The following CAMK2D variants were observed in gnomAD, a reference collection of about 807,000 sequenced individuals.
CAMK2D encodes calcium/calmodulin-dependent protein kinase type II subunit delta.
A neutral mutation model predicts 84.0 loss-of-function variants in CAMK2D; 37 were observed. The ratio of observed to expected loss-of-function variants is 0.44; its 90% CI spans 0.34 to 0.58. The LOEUF (loss-of-function observed/expected upper bound fraction) is 0.58, where lower values mean the gene tolerates loss of function less well. Among genes scored for constraint, CAMK2D ranks in the 20% least tolerant of loss-of-function variants. The probability of loss-of-function intolerance (pLI) is 0.02; values close to 1 mark genes in which losing one functional copy is unlikely to be tolerated. For missense variants in CAMK2D, 448 were observed against 652.5 expected (o/e 0.69, Z 3.41); for synonymous variants, 202 against 212.5 (o/e 0.95, Z 0.43).
At chr4:113,752,852 C>T (rs1594159735) in intron 2 of CAMK2D, among the ~76,000 whole-genome samples, 1 of 152,114 alleles carries the variant, frequency 6.6e-6, no homozygotes, top group East Asian at 1.9e-4. Flanking sequence ...AAAAGACTAT[C>T]TTCTCTCACA....
chr4:113,572,972 T>C (rs906417399), intron 4 of CAMK2D, among the ~76,000 whole-genome samples: 4 of 152,166 alleles, frequency 2.6e-5, no homozygotes, highest in African/African-American at 9.7e-5. Context: ...TATTCTCACT[T>C]ATAAGTGAGA....
chr4:113,708,499 C>T (rs1217250183), intron 2 of CAMK2D, among the ~76,000 whole-genome samples: 1 of 152,134 alleles, frequency 6.6e-6, no homozygotes, highest in Non-Finnish European at 1.5e-5. Flanking sequence ...ACTGGGCTCA[C>T]CTCTTCATTC....
chr4:113,615,394 G>A (rs1202887104), intron 3 of CAMK2D, among the ~76,000 whole-genome samples: 1 of 152,030 alleles, frequency 6.6e-6, no homozygotes, highest in African/African-American at 2.4e-5. Context: ...ACTCTCTGGA[G>A]AGAAATTTCA....
At chr4:113,628,037 G>A (rs1385140326) in intron 3 of CAMK2D, among the ~76,000 whole-genome samples, 1 of 151,832 alleles carries the variant, frequency 6.6e-6, no homozygotes, top group African/African-American at 2.4e-5. Flanking sequence ...CTGCTCTTTA[G>A]AACTACTATC....
intron 2 of CAMK2D, among the ~76,000 whole-genome samples, chr4:113,731,930 T>G (rs1223419740): frequency 6.6e-6 from 1 of 152,072 alleles, no homozygotes; most frequent in Non-Finnish European, 1.5e-5. Flanking sequence ...CATTCCCATT[T>G]GTTATGTCCA....
At chr4:113,507,769 G>A (rs553175292) in intron 13 of CAMK2D, among the ~76,000 whole-genome samples, 7 of 152,032 alleles carry the variant, frequency 4.6e-5, no homozygotes, top group Non-Finnish European at 1.0e-4. Context: ...TTGTTTGAAG[G>A]TTAATAAACA....
chr4:113,584,790 G>T (rs192730763), intron 4 of CAMK2D, among the ~76,000 whole-genome samples: 69 of 152,156 alleles, frequency 4.5e-4, no homozygotes, highest in African/African-American at 1.5e-3. Context: ...AAATTGTGGT[G>T]GTTTCCAAAA....
intron 3 of CAMK2D, among the ~76,000 whole-genome samples, chr4:113,627,187 A>G (rs1592152823): frequency 1.3e-5 from 2 of 152,174 alleles, no homozygotes; most frequent in East Asian, 3.8e-4. Flanking sequence ...TATCCTATTA[A>G]TGCCATTAAT....
At chr4:113,498,744 A>G (rs1360335263) in intron 16 of CAMK2D, among the ~76,000 whole-genome samples, 2 of 152,222 alleles carry the variant, frequency 1.3e-5, no homozygotes, top group Non-Finnish European at 2.9e-5. Context: ...TGATATTATT[A>G]TTTCATTTTA....
chr4:113,568,768 T>C (rs191095137), intron 4 of CAMK2D, among the ~76,000 whole-genome samples: 64 of 152,314 alleles, frequency 4.2e-4, no homozygotes, highest in African/African-American at 1.5e-3. Context: ...TTTGTTTGTT[T>C]TGTTTTTATA....
At position 113,654,055 on chromosome 4, in the gene CAMK2D, A is replaced by G. The variant is rs569806163; in HGVS notation, c.220+7658T>C. Among the ~76,000 whole-genome samples the G allele has an allele frequency of 2.2e-4, 33 of 152,180 alleles. 1 individual carries two copies. In the South Asian group the frequency reaches 6.6e-3, roughly 31 times the overall value. ...AATATTACTTTTACAGGATGACATC[A>G]TATCTCCAAAGTCACCAAAAAGAAG... is the stretch of plus-strand genomic sequence containing the variant. On this transcript the variant is annotated intron_variant, in intron 3 of 20. Transcript: ENST00000511664.
At chr4:113,536,148 T>G (rs2098488665) in intron 7 of CAMK2D, among the ~76,000 whole-genome samples, 1 of 152,224 alleles carries the variant, frequency 6.6e-6, no homozygotes, top group East Asian at 1.9e-4. Flanking sequence ...AGTTAAAATA[T>G]TATAAACAGA....
intron 16 of CAMK2D, among the ~76,000 whole-genome samples, chr4:113,479,667 C>T (rs2097674846): frequency 6.6e-6 from 1 of 152,154 alleles, no homozygotes; most frequent in Non-Finnish European, 1.5e-5. Flanking sequence ...ACTTGGGCAG[C>T]TTTATGTAGT....
chr4:113,737,570 T>C (rs2099584112), intron 2 of CAMK2D, among the ~76,000 whole-genome samples: 1 of 152,116 alleles, frequency 6.6e-6, no homozygotes, highest in African/African-American at 2.4e-5. Context: ...TTGGTGAAAG[T>C]TGTACGACGA....
intron 4 of CAMK2D, among the ~76,000 whole-genome samples, chr4:113,585,542 A>C (rs922322154): frequency 5.3e-5 from 8 of 152,092 alleles, no homozygotes; most frequent in Admixed American, 2.6e-4. Context: ...TATCCTTTTT[A>C]ACCTTTTGAA....
rs1285204062 is a variant in CAMK2D at position 113,623,642 on chromosome 4, A to G, written c.221-14436T>C. On this transcript the variant is annotated intron_variant, in intron 3 of 20. Coordinates refer to ENST00000511664, the MANE Select transcript of CAMK2D (RefSeq NM_001321571.2). ...TTAACATAATGGTTAGCATCTGCTT[A>G]TCTGAGCATAGAAAAGATAACAGTA... 3.3e-5 allele frequency among the ~76,000 whole-genome samples: 5 copies of G among 152,194 alleles called. No individual in the cohort carries two copies. In the East Asian group the frequency reaches 9.6e-4, roughly 29 times the overall value.
At chr4:113,462,303 T>TCTGA (rs1207823081) in intron 17 of CAMK2D, among the ~76,000 whole-genome samples, 2 of 83,740 alleles carry the variant, frequency 2.4e-5, no homozygotes, top group Non-Finnish European at 6.2e-5. Context: ...TGTCTGTCTG[T>TCTGA]CTGTCTGTCT....
chr4:113,522,031 T>G (rs1257713175), intron 8 of CAMK2D, among the ~76,000 whole-genome samples: 1 of 151,426 alleles, frequency 6.6e-6, no homozygotes, highest in Non-Finnish European at 1.5e-5. Flanking sequence ...GCTTGGGAGA[T>G]GCTAGAGATG....
At chr4:113,602,618 T>C (rs1399546125) in intron 4 of CAMK2D, among the ~76,000 whole-genome samples, 2 of 152,248 alleles carry the variant, frequency 1.3e-5, no homozygotes, top group Admixed American at 1.3e-4. Flanking sequence ...TTTACCTTCA[T>C]ACAATTTGCT....
Sources: gnomAD v4.1 joint callset for allele counts (sites outside exome capture counted in the v4.1 genomes callset) on GRCh38, gnomAD v4.1.1 for gene constraint, MANE v1.5 for transcripts, NCBI Gene and HGNC (gene_info 2026-07-23, HGNC 2026-07-21) for gene names.